The following CCDC62 variants were observed in gnomAD, a reference collection of about 807,000 sequenced individuals.
CCDC62 encodes the protein coiled-coil domain-containing protein 62.
In CCDC62, 72 loss-of-function variants were observed where a neutral mutation model predicts 80.8. That is an observed-to-expected ratio of 0.89 (90% CI 0.74 to 1.08). The LOEUF is 1.08. Among genes scored for constraint, CCDC62 ranks in the 50% least tolerant of loss-of-function variants. The probability of loss-of-function intolerance (pLI) is 0.00; values close to 1 mark genes in which losing one functional copy is unlikely to be tolerated. For synonymous variants in CCDC62, 286 were observed against 296.5 expected, an observed-to-expected ratio of 0.96 and a Z score of 0.36; for missense variants, 704 against 809.4, an observed-to-expected ratio of 0.87 and a Z score of 1.58.
chr12:122,797,809 G>T (rs1180455600), intron 7 of CCDC62, among the ~76,000 whole-genome samples: 1 of 152,086 alleles, frequency 6.6e-6, no homozygotes, highest in African/African-American at 2.4e-5. Context: ...CAAAGTGCTG[G>T]GATTACAGGC....
chr12:122,820,710 G>A (rs2032370391), intron 11 of CCDC62, among the ~76,000 whole-genome samples: 1 of 151,808 alleles, frequency 6.6e-6, no homozygotes, highest in African/African-American at 2.4e-5. Flanking sequence ...CGGGCATGGT[G>A]GCGTGCCGTA....
chr12:122,785,928 G>A (rs1025892954), intron 4 of CCDC62, 108 bp downstream of exon 4: 7 of 723,380 alleles, frequency 9.7e-6, no homozygotes, highest in Admixed American at 5.0e-5. Flanking sequence ...AGCTACCAAC[G>A]TTGCTCTTGT....
intron 8 of CCDC62, among the ~76,000 whole-genome samples, chr12:122,798,865 G>A (rs1415467175): frequency 6.6e-6 from 1 of 152,054 alleles, no homozygotes; most frequent in African/African-American, 2.4e-5. Flanking sequence ...GGATCACGAG[G>A]TCAGGAGATC....
At chr12:122,800,049 A>C (rs1399425252) in intron 8 of CCDC62, among the ~76,000 whole-genome samples, 1 of 151,854 alleles carries the variant, frequency 6.6e-6, no homozygotes, top group Non-Finnish European at 1.5e-5. Context: ...GCTGGCATGC[A>C]GTGGTGCAAC....
At chr12:122,793,734 TGCG>T (rs751865715) in intron 6 of CCDC62, among the ~76,000 whole-genome samples, 23 of 152,140 alleles carry the variant, frequency 1.5e-4, no homozygotes, top group Non-Finnish European at 8.8e-5. Flanking sequence ...GGATTACAGG[TGCG>T]AGCCACCATG....
chr12:122,786,514 A>G (rs1240461465), intron 4 of CCDC62, among the ~76,000 whole-genome samples: 1 of 152,116 alleles, frequency 6.6e-6, no homozygotes, highest in Non-Finnish European at 1.5e-5. Context: ...CTAACATGCA[A>G]TATACAACGA....
chr12:122,823,725 G>A (rs973552079), intron 12 of CCDC62, among the ~76,000 whole-genome samples: 6 of 150,936 alleles, frequency 4.0e-5, no homozygotes, highest in East Asian at 3.9e-4. Context: ...AAAAAAGGCC[G>A]GGCGTGGTGG....
At chr12:122,822,396 A>G (rs916777893) in intron 11 of CCDC62, among the ~76,000 whole-genome samples, 4 of 151,556 alleles carry the variant, frequency 2.6e-5, no homozygotes, top group Non-Finnish European at 4.4e-5. Flanking sequence ...GAGCCACTGC[A>G]CCTGGCCAAT....
intron 12 of CCDC62, among the ~76,000 whole-genome samples, chr12:122,825,721 C>T (rs1339240919): frequency 6.7e-6 from 1 of 150,150 alleles, no homozygotes; most frequent in Non-Finnish European, 1.5e-5. Context: ...CGCGGTGGCT[C>T]ACACCTGTAA....
chr12:122,777,022 C>G (rs2135523570), intron 1 of CCDC62: 1 of 154,310 alleles, frequency 6.5e-6, no homozygotes, highest in East Asian at 1.9e-4. Context: ...TCTCGAACTC[C>G]TGACCTCAGG....
chr12:122,801,284 A>C lies in CCDC62; in HGVS notation c.1138A>C (p.Lys380Gln), dbSNP rs750830635. The change falls in exon 9 of 13, where the codon AAA becomes CAA. Residue 380 changes from lysine to glutamine, a missense_variant. By Grantham distance (53) the Lys-to-Gln change is moderately conservative (BLOSUM62 1). Transcript: ENST00000253079. Reference sequence around the variant, plus strand: ...CTCTTGCGATGAATGCAAAGAGAAGAAACAACAGATCGATACTGTGTTTGG... The same window carrying C: ...CTCTTGCGATGAATGCAAAGAGAAGCAACAACAGATCGATACTGTGTTTGG... ...KSSCDECKEK[K>Q]QQIDTVFGEK... The C allele has an allele frequency of 1.2e-6, 2 of 1,614,186 alleles. No individual in the cohort carries two copies. Among genetic ancestry groups the C allele is most frequent in the South Asian group, 2.2e-5 (2 of 91,082 alleles).
In CCDC62 at chr12:122,785,821, G is replaced by A; in HGVS notation, c.498+1G>A. ...TCTTACGACAATGATAAAGCTAAAG[G>A]TAATCAAAAATAAGAATTCCTCCAT... On this transcript the variant is annotated splice_donor_variant, in intron 4 of 12. Transcript: ENST00000253079. LOFTEE classifies it high-confidence loss of function. The A allele has an allele frequency of 6.3e-7, 1 of 1,592,998 alleles. No individual in the cohort carries two copies. The highest frequency in any genetic ancestry group is 8.6e-7 in the Non-Finnish European group (1 of 1,160,990).
chr12:122,778,268 C>T (rs1160140809), intron 2 of CCDC62, among the ~76,000 whole-genome samples: 1 of 151,266 alleles, frequency 6.6e-6, no homozygotes, highest in African/African-American at 2.4e-5. Context: ...GCACGAGAAT[C>T]GCTTGAACCC....
At chr12:122,825,993 C>CA (rs61129769) in intron 12 of CCDC62, among the ~76,000 whole-genome samples, 64,785 of 108,526 alleles carry the variant, frequency 0.6, 19,970 homozygotes, top group East Asian at 0.71. Context: ...AACTCCGTCT[C>CA]AAAAAAAAAA....
At chr12:122,777,816 G>T (rs1450509140) in intron 2 of CCDC62, 133 bp downstream of exon 2, 5 of 772,096 alleles carry the variant, frequency 6.5e-6, no homozygotes, top group Non-Finnish European at 1.0e-5. Context: ...TTGGAGACAG[G>T]AGGACTTTAT....
chr12:122,813,085 T>A (rs2032012867), intron 10 of CCDC62, among the ~76,000 whole-genome samples, 185 bp from the exon 11 acceptor site: 1 of 152,086 alleles, frequency 6.6e-6, no homozygotes, highest in African/African-American at 2.4e-5. Flanking sequence ...TCCCAGCTTT[T>A]CAGGAGGCTG....
intron 11 of CCDC62, among the ~76,000 whole-genome samples, chr12:122,819,338 G>A (rs1267057177): frequency 6.6e-6 from 1 of 152,238 alleles, no homozygotes; most frequent in Non-Finnish European, 1.5e-5. Context: ...CTACAGACAA[G>A]GGTCGCAATT....
At chr12:122,796,526 A>G (rs1026332193) in intron 6 of CCDC62, among the ~76,000 whole-genome samples, 1 of 152,174 alleles carries the variant, frequency 6.6e-6, no homozygotes, top group African/African-American at 2.4e-5. Context: ...AGACCCACGG[A>G]GTCAGATGCA....
Position 122,791,785 on chromosome 12 carries a change from G to T in CCDC62, c.671-235G>T, listed in dbSNP as rs139509127. 2.4e-3 allele frequency among the ~76,000 whole-genome samples: 365 copies of T among 152,300 alleles called. 1 individual carries two copies. The highest frequency in any genetic ancestry group is 8.4e-3 in the African/African-American group (348 of 41,564). Reference sequence around the variant, plus strand: ...TTAAAAGATTGCTCTGTGTACACTGGGCTGTCACAGGAGAGGCAAGGCTGG... The same window carrying T: ...TTAAAAGATTGCTCTGTGTACACTGTGCTGTCACAGGAGAGGCAAGGCTGG... On this transcript the variant is annotated intron_variant, in intron 5 of 12. Coordinates refer to ENST00000253079, the MANE Select transcript of CCDC62 (RefSeq NM_201435.5).
Sources: gnomAD v4.1 joint callset for allele counts (sites outside exome capture counted in the v4.1 genomes callset) on GRCh38, gnomAD v4.1.1 for gene constraint, MANE v1.5 for transcripts, NCBI Gene and HGNC (gene_info 2026-07-23, HGNC 2026-07-21) for gene names.